COBL: variants seen among roughly 807,000 people sequenced by gnomAD.
COBL encodes the protein cordon-bleu WH2 repeat protein, also known as protein cordon-bleu.
In COBL, 51 loss-of-function variants were observed where a neutral mutation model predicts 98.8. That is an observed-to-expected ratio of 0.52 (90% CI 0.41 to 0.65). The LOEUF (loss-of-function observed/expected upper bound fraction) is 0.65, where lower values mean the gene tolerates loss of function less well. Ranked by LOEUF, COBL falls within the 30% of genes least tolerant of loss-of-function variation. COBL has a pLI of 0.00. For synonymous variants in COBL, 634 were observed against 651.7 expected (o/e 0.97, Z 0.41); for missense variants, 1,617 against 1,617.5 (o/e 1.00, Z 0.01).
intron 1 of COBL, among the ~76,000 whole-genome samples, chr7:51,234,734 A>G (rs1301618066): frequency 6.6e-6 from 1 of 150,504 alleles, no homozygotes; most frequent in Non-Finnish European, 1.5e-5. Flanking sequence ...GAAAGAAAGA[A>G]AAAGAAAAGA....
At chr7:51,053,907 G>A (rs1255418202) in intron 7 of COBL, among the ~76,000 whole-genome samples, 3 of 152,248 alleles carry the variant, frequency 2.0e-5, no homozygotes, top group African/African-American at 4.8e-5. Context: ...AGGGCTGGGC[G>A]CAGTGGCTTA....
chr7:51,051,871 T>C (rs979182344), intron 7 of COBL, among the ~76,000 whole-genome samples: 13 of 150,760 alleles, frequency 8.6e-5, no homozygotes, highest in Admixed American at 8.0e-4. Context: ...TCAGTTCAGC[T>C]ACCCTGAAAC....
In COBL at chr7:51,309,224, A is replaced by G. The variant is rs577447715; in HGVS notation, c.41+7369T>C. 2.1e-3 allele frequency among the ~76,000 whole-genome samples: 313 copies of G among 152,274 alleles called. 4 individuals carry two copies. Among genetic ancestry groups the G allele is most frequent in the Non-Finnish European group, 1.5e-3 (104 of 68,030 alleles). ...GGTTGGGCCAAGGGGACATGAGCAA[A>G]GGGACTTGTATGGCTGGCAGGTGGA... On this transcript the variant is annotated intron_variant, in intron 1 of 12. Transcript: ENST00000265136.
At chr7:51,299,845 G>A (rs1801758332) in intron 1 of COBL, among the ~76,000 whole-genome samples, 1 of 152,160 alleles carries the variant, frequency 6.6e-6, no homozygotes, top group African/African-American at 2.4e-5. Flanking sequence ...GACTCCACAA[G>A]ACAGGTCATC....
At chr7:51,219,650 A>G in intron 2 of COBL, 91 bp downstream of exon 2, 6 of 1,387,002 alleles carry the variant, frequency 4.3e-6, no homozygotes, top group Non-Finnish European at 6.0e-6. Context: ...GATGAGGAGG[A>G]AAATGCAATA....
intron 8 of COBL, among the ~76,000 whole-genome samples, chr7:51,040,117 T>C (rs1789026996): frequency 6.6e-6 from 1 of 151,848 alleles, no homozygotes; most frequent in African/African-American, 2.4e-5. Context: ...GAAAATCATG[T>C]ATTTGGGAAA....
At chr7:51,209,046 TAAAAAAAAA>T (rs572689062) in intron 2 of COBL, among the ~76,000 whole-genome samples, 28 of 43,432 alleles carry the variant, frequency 6.4e-4, no homozygotes, top group African/African-American at 1.4e-3. Context: ...AATGATCAAT[TAAAAAAAAA>T]AAAAAAAAAA....
chr7:51,245,894 A>G (rs1351031840), intron 1 of COBL, among the ~76,000 whole-genome samples: 2 of 152,270 alleles, frequency 1.3e-5, no homozygotes, highest in East Asian at 1.9e-4. Flanking sequence ...TAGGTAAGGG[A>G]CAAATCCTGC....
At chr7:51,087,483 G>T (rs1480533385) in intron 6 of COBL, among the ~76,000 whole-genome samples, 1 of 151,780 alleles carries the variant, frequency 6.6e-6, no homozygotes, top group African/African-American at 2.4e-5. Context: ...TTTGTGTGGG[G>T]TTTTTTTGGT....
At chr7:51,052,075 G>C (rs1790302926) in intron 7 of COBL, among the ~76,000 whole-genome samples, 1 of 152,108 alleles carries the variant, frequency 6.6e-6, no homozygotes, top group Non-Finnish European at 1.5e-5. Flanking sequence ...ATTGGGTTTT[G>C]ACATTCTGCA....
At chr7:51,019,838 T>C (rs1347697825) in intron 12 of COBL, among the ~76,000 whole-genome samples, 2 of 152,220 alleles carry the variant, frequency 1.3e-5, no homozygotes, top group Admixed American at 6.5e-5. Context: ...CACATCCTGA[T>C]AGAAATTGCT....
chr7:51,279,360 A>G (rs201351853), intron 1 of COBL, among the ~76,000 whole-genome samples: 1 of 152,232 alleles, frequency 6.6e-6, no homozygotes, highest in East Asian at 1.9e-4. Flanking sequence ...TTCTTTAATA[A>G]TTCTGTTTCC....
intron 6 of COBL, among the ~76,000 whole-genome samples, chr7:51,093,171 C>T (rs1257627075): frequency 6.6e-6 from 1 of 152,098 alleles, no homozygotes; most frequent in East Asian, 1.9e-4. Flanking sequence ...GAAACTGAAA[C>T]TCAATAGCAA....
chr7:51,269,210 C>T (rs992465217), intron 1 of COBL, among the ~76,000 whole-genome samples: 6 of 152,146 alleles, frequency 3.9e-5, no homozygotes, highest in African/African-American at 1.2e-4. Flanking sequence ...GAAGGAAGGA[C>T]GGGTACAAAA....
intron 11 of COBL, among the ~76,000 whole-genome samples, chr7:51,025,750 C>T (rs749500209): frequency 4.6e-5 from 7 of 152,166 alleles, no homozygotes; most frequent in South Asian, 2.1e-4. Context: ...CAGACTAAGG[C>T]AGTGACACTG....
intron 7 of COBL, chr7:51,073,108 C>G (rs1389274204): frequency 2.7e-6 from 1 of 370,696 alleles, no homozygotes; most frequent in Non-Finnish European, 4.8e-6. Context: ...GAATTTCAGA[C>G]AGGTGAATAT....
chr7:51,275,562 G>T (rs1338293575), intron 1 of COBL, among the ~76,000 whole-genome samples: 3 of 151,970 alleles, frequency 2.0e-5, no homozygotes, highest in Admixed American at 1.3e-4. Context: ...CTCTCTCAAG[G>T]CACCCTCAGC....
At chr7:51,054,376 C>T (rs1054678145) in intron 7 of COBL, among the ~76,000 whole-genome samples, 6 of 152,128 alleles carry the variant, frequency 3.9e-5, no homozygotes, top group African/African-American at 7.2e-5. Flanking sequence ...CCACAGTTCC[C>T]GTTTTGCTGT....
chr7:51,022,576 T>C (rs983595101), intron 12 of COBL: 2 of 149,196 alleles, frequency 1.3e-5, no homozygotes, highest in African/African-American at 5.1e-5. Context: ...TCAAAACTTA[T>C]TTTTTTTTTC....
Sources: allele counts gnomAD v4.1 joint callset (sites outside exome capture counted in the v4.1 genomes callset), GRCh38; gene constraint gnomAD v4.1.1; transcripts MANE v1.5; gene names NCBI Gene and HGNC (gene_info 2026-07-23, HGNC 2026-07-21).